The following PCNX2 variants were observed in gnomAD, a reference collection of about 807,000 sequenced individuals.
PCNX2 encodes pecanex-like protein 2.
Under a neutral mutation model 223.8 loss-of-function variants are expected in PCNX2, and 168 were observed. The observed-to-expected ratio is 0.75, with a 90% CI of 0.66 to 0.85. The LOEUF (loss-of-function observed/expected upper bound fraction) is 0.85. Ranked by LOEUF, PCNX2 falls within the 40% of genes least tolerant of loss-of-function variation. PCNX2 has a pLI of 0.00. For synonymous variants in PCNX2, 1,006 were observed against 1,052.6 expected (o/e 0.96, Z 0.86); for missense variants, 2,507 against 2,675.5 (o/e 0.94, Z 1.39).
chr1:233,144,689 T>C (rs973439129), intron 19 of PCNX2, among the ~76,000 whole-genome samples: 6 of 152,218 alleles, frequency 3.9e-5, no homozygotes, highest in South Asian at 2.1e-4. Context: ...TTTTGTGAAG[T>C]AGTTCTTCAT....
At chr1:233,026,685 G>C (rs1671091287) in intron 25 of PCNX2, among the ~76,000 whole-genome samples, 1 of 152,186 alleles carries the variant, frequency 6.6e-6, no homozygotes, top group African/African-American at 2.4e-5. Context: ...GTATTGAAAA[G>C]ATGAGAAAAG....
chr1:232,999,547 G>A (rs1042458872), intron 30 of PCNX2, 168 bp from the exon 31 acceptor site: 27 of 707,688 alleles, frequency 3.8e-5, no homozygotes, highest in Middle Eastern at 4.1e-4. Flanking sequence ...TCCGCCTCCC[G>A]GATTCAAGCA....
At chr1:233,055,743 A>G (rs989184005) in intron 24 of PCNX2, among the ~76,000 whole-genome samples, 3 of 152,184 alleles carry the variant, frequency 2.0e-5, no homozygotes, top group Non-Finnish European at 2.9e-5. Context: ...GCAAAACTCA[A>G]TGCTCCCTCC....
intron 25 of PCNX2, among the ~76,000 whole-genome samples, chr1:233,053,784 T>C (rs774554544): frequency 7.2e-5 from 11 of 152,218 alleles, no homozygotes; most frequent in Non-Finnish European, 1.6e-4. Context: ...ATGAAGTGCC[T>C]TCTACATGAT....
rs989402816 is a variant in PCNX2 at position 233,098,515 on chromosome 1, C to CT, written c.3838-2653dup. ...CTTTTCCTATGACTCTCTATGCCTT[C>CT]TTTTTTTTTTCATGAACTTTGTGAA... On this transcript the variant is annotated intron_variant, in intron 21 of 33. Coordinates refer to ENST00000258229, the MANE Select transcript of PCNX2 (RefSeq NM_014801.4). Among the ~76,000 whole-genome samples the CT allele has an allele frequency of 6.7e-4, 100 of 149,398 alleles. 1 individual carries two copies. Among genetic ancestry groups the CT allele is most frequent in the Admixed American group, 3.6e-3 (54 of 14,940 alleles).
chr1:233,006,783 G>A (rs116760686), intron 28 of PCNX2, among the ~76,000 whole-genome samples: 2,040 of 152,180 alleles, frequency 0.013, 26 homozygotes, highest in Middle Eastern at 0.038. Context: ...CTGCTGCCAC[G>A]CACTGCCATA....
chr1:233,226,469 C>T (rs552062521), intron 10 of PCNX2, among the ~76,000 whole-genome samples: 1 of 152,264 alleles, frequency 6.6e-6, no homozygotes, highest in South Asian at 2.1e-4. Context: ...AGGATTTCAC[C>T]ATGTTGGTCA....
At chr1:233,207,962 T>G (rs527450518) in intron 13 of PCNX2, among the ~76,000 whole-genome samples, 2 of 152,132 alleles carry the variant, frequency 1.3e-5, no homozygotes, top group Non-Finnish European at 2.9e-5. Flanking sequence ...GCATTTATTT[T>G]TTTTTTTTTT....
At chr1:233,281,928 C>G (rs1661213062) in intron 1 of PCNX2, among the ~76,000 whole-genome samples, 1 of 152,190 alleles carries the variant, frequency 6.6e-6, no homozygotes, top group Non-Finnish European at 1.5e-5. Flanking sequence ...GCCCTACTCT[C>G]AAGGACCTTC....
chr1:233,241,215 G>A, intron 8 of PCNX2: 1 of 985,364 alleles, frequency 1.0e-6, no homozygotes, highest in Non-Finnish European at 1.2e-6. Flanking sequence ...CGGAGAAAAA[G>A]GCAGCAACAC....
chr1:233,310,878 G>A, the PCNX2 span, among the ~76,000 whole-genome samples: 2 of 152,186 alleles, frequency 1.3e-5, no homozygotes, highest in Admixed American at 1.3e-4. Flanking sequence ...AGAGGAGGGA[G>A]ATCCTCAGCT....
chr1:233,001,609 C>A lies in PCNX2; in HGVS notation c.5025G>T (p.Trp1675Cys). 6.3e-7 allele frequency: 1 copy of A among 1,581,414 alleles called. No individual in the cohort carries two copies. The highest frequency in any genetic ancestry group is 2.3e-5 in the East Asian group (1 of 44,036). ...GCAGTAGGTCCATGTCAGCAAATAC[C>A]CACTCGTCACGTGCTGTTATTCTGA... ...GDFRITARDE[W>C]VFADMDLLHK... is the part of the protein sequence containing the mutation. The change falls in exon 29 of 34, where the codon TGG becomes TGT. Residue 1675 changes from tryptophan (W) to cysteine (C), a missense_variant. By Grantham distance (215) the Trp-to-Cys change is radical. Around this residue, in one of 3 missense-constraint regions of PCNX2, gnomAD observed 1,372 missense variants for 1,509.4 expected, o/e 0.91. Coordinates refer to ENST00000258229, the MANE Select transcript of PCNX2 (RefSeq NM_014801.4). This position sits in a 1 kb window ranked among gnomAD's most constrained non-coding sequence, Gnocchi z 4.2.
At chr1:233,122,202 G>T (rs1423365492) in intron 21 of PCNX2, among the ~76,000 whole-genome samples, 1 of 151,870 alleles carries the variant, frequency 6.6e-6, no homozygotes, top group Non-Finnish European at 1.5e-5. Flanking sequence ...TGAAAAAATC[G>T]AGGAAACAAG....
At chr1:233,210,989 C>A (rs1372562982) in intron 12 of PCNX2, among the ~76,000 whole-genome samples, 2 of 152,198 alleles carry the variant, frequency 1.3e-5, no homozygotes, top group Non-Finnish European at 2.9e-5. Context: ...CTCCAGGAGT[C>A]CTGCCTGTGG....
intron 21 of PCNX2, among the ~76,000 whole-genome samples, chr1:233,124,581 G>A (rs1208062216): frequency 6.6e-6 from 1 of 152,226 alleles, no homozygotes; most frequent in Non-Finnish European, 1.5e-5. Context: ...CAGAAACTTG[G>A]AGGAAGCAGA....
intron 1 of PCNX2, among the ~76,000 whole-genome samples, chr1:233,269,841 T>C (rs1660553435): frequency 6.6e-6 from 1 of 152,142 alleles, no homozygotes; most frequent in Non-Finnish European, 1.5e-5. Flanking sequence ...TTAGTCTGGT[T>C]ATTTATGCCA....
rs749317535 is a variant in PCNX2 at position 233,139,695 on chromosome 1, T to C, written c.3659+19A>G. 2 of 1,576,192 alleles carry C rather than the reference T, an allele frequency of 1.3e-6. No individual in the cohort carries two copies. Among genetic ancestry groups the C allele is most frequent in the Admixed American group, 3.7e-5 (2 of 53,430 alleles). ...AATGTGACCCAAATCATTATGAAGA[T>C]AAACCATTAACCACTTACTGGGTAC... is the stretch of plus-strand genomic sequence containing the variant. On this transcript the variant is annotated intron_variant, in intron 20 of 33. Coordinates refer to ENST00000258229, the MANE Select transcript of PCNX2 (RefSeq NM_014801.4). The surrounding 1 kb of genome is among the most constrained non-coding windows in gnomAD (Gnocchi z 4.4).
the PCNX2 span, among the ~76,000 whole-genome samples, chr1:233,301,934 G>A: frequency 6.6e-6 from 1 of 151,584 alleles, no homozygotes; most frequent in African/African-American, 2.4e-5. Context: ...TGGGATTACA[G>A]GCATGCACCA....
At chr1:233,085,357 A>G (rs1673551750) in intron 23 of PCNX2, among the ~76,000 whole-genome samples, 1 of 151,528 alleles carries the variant, frequency 6.6e-6, no homozygotes, top group African/African-American at 2.4e-5. Context: ...AGTACAGAAC[A>G]CCTGCTTTTT....
Sources: gnomAD v4.1 joint callset for allele counts (sites outside exome capture counted in the v4.1 genomes callset) on GRCh38, gnomAD v4.1.1 for gene constraint, gnomAD v4.1.1 regional missense constraint, Gnocchi (gnomAD v3.1) non-coding constraint, MANE v1.5 for transcripts, NCBI Gene and HGNC (gene_info 2026-07-23, HGNC 2026-07-21) for gene names.